The following ACYP2 variants were observed in gnomAD, a reference collection of about 807,000 sequenced individuals.
The protein encoded by ACYP2 is acylphosphatase-2.
A neutral mutation model predicts 11.2 loss-of-function variants in ACYP2; 12 were observed. The ratio of observed to expected loss-of-function variants is 1.08; its 90% confidence interval spans 0.69 to 1.74. The LOEUF (loss-of-function observed/expected upper bound fraction) is 1.74. Ranked by LOEUF, ACYP2 falls within the 40% of genes most tolerant of loss-of-function variation. ACYP2 has a pLI of 0.00. For missense variants in ACYP2, 134 were observed against 101.9 expected (o/e 1.31, Z -1.35); for synonymous variants, 43 against 32.2 (o/e 1.33, Z -1.13).
chr2:54,114,349 T>C (rs1558537432), intron 4 of ACYP2, among the ~76,000 whole-genome samples: 1 of 144,526 alleles, frequency 6.9e-6, no homozygotes, highest in Non-Finnish European at 1.5e-5. Context: ...TTCTAGGCAA[T>C]TGGGATGTTG....
At chr2:54,185,182 C>T (rs1683922648) in intron 6 of ACYP2, among the ~76,000 whole-genome samples, 3 of 152,200 alleles carry the variant, frequency 2.0e-5, no homozygotes, top group Admixed American at 2.0e-4. Context: ...TAAATCCTTT[C>T]CTTAGTCGTG....
intron 6 of ACYP2, among the ~76,000 whole-genome samples, chr2:54,277,388 T>A (rs560623959): frequency 6.6e-6 from 1 of 152,224 alleles, no homozygotes; most frequent in East Asian, 1.9e-4. Flanking sequence ...ATTAAGAAAT[T>A]AGTAAAATGG....
intron 4 of ACYP2, among the ~76,000 whole-genome samples, chr2:54,076,717 GGA>G (rs139405039): frequency 1.3e-5 from 2 of 151,884 alleles, no homozygotes; most frequent in African/African-American, 2.4e-5. Flanking sequence ...GATCAGGGAG[GGA>G]GAGAGAGAGA....
intron 6 of ACYP2, among the ~76,000 whole-genome samples, chr2:54,156,363 C>A (rs1202612482): frequency 6.6e-6 from 1 of 152,172 alleles, no homozygotes; most frequent in Non-Finnish European, 1.5e-5. Flanking sequence ...ATCAACCTAT[C>A]ACCTAGGTAT....
rs1448245598 is a variant in ACYP2, at chr2:54,000,711, T to A, written c.62+26901T>A. ...GATAACCCCAGCAGGGGCAAGGGAA[T>A]GTGATAAGATGTTCCCTGGCTCTGA... is the stretch of plus-strand genomic sequence containing the variant. On this transcript the variant is annotated intron_variant, in intron 2 of 6. Transcript: ENST00000607452. 3.3e-5 allele frequency among the ~76,000 whole-genome samples: 5 copies of A among 152,174 alleles called. 1 individual carries two copies. Among genetic ancestry groups the A allele is most frequent in the Admixed American group, 3.3e-4 (5 of 15,264 alleles).
chr2:54,047,201 G>A (rs910386386), intron 2 of ACYP2, among the ~76,000 whole-genome samples: 6 of 152,154 alleles, frequency 3.9e-5, no homozygotes, highest in Admixed American at 2.0e-4. Context: ...GGCAAGACAG[G>A]CCAAGATAAT....
intron 6 of ACYP2, among the ~76,000 whole-genome samples, chr2:54,231,190 G>A (rs1686219664): frequency 6.6e-6 from 1 of 152,116 alleles, no homozygotes; most frequent in Admixed American, 6.5e-5. Context: ...TAAAATACAT[G>A]ACAACAAGCT....
intron 2 of ACYP2, among the ~76,000 whole-genome samples, chr2:53,989,184 C>G (rs1339127229): frequency 6.6e-6 from 1 of 152,014 alleles, no homozygotes; most frequent in Non-Finnish European, 1.5e-5. Context: ...CATGTGCCTG[C>G]TGGCACCATC....
chr2:54,260,594 C>G (rs553625588), intron 6 of ACYP2, among the ~76,000 whole-genome samples: 1 of 152,186 alleles, frequency 6.6e-6, no homozygotes, highest in East Asian at 1.9e-4. Context: ...GTGGTCTGAT[C>G]AATGAATTGG....
Position 54,195,123 on chromosome 2 carries a change from G to A in ACYP2, c.404+56375G>A, listed in dbSNP as rs891893641. Among the ~76,000 whole-genome samples the A allele has an allele frequency of 5.3e-5, 8 of 152,148 alleles. No homozygotes were observed. In the East Asian group the frequency reaches 5.8e-4, roughly 11 times the overall value. ...GTTTTTGATCTTCACAGAACTTCATGTGCATCTGCCTACAGGGTGTTTCTC... is the reference window on the plus strand; with the variant it reads ...GTTTTTGATCTTCACAGAACTTCATATGCATCTGCCTACAGGGTGTTTCTC... On this transcript the variant is annotated intron_variant, in intron 6 of 6. Transcript: ENST00000607452.
chr2:54,266,027 AAGT>A (rs1309273533), intron 6 of ACYP2, among the ~76,000 whole-genome samples: 3 of 152,194 alleles, frequency 2.0e-5, no homozygotes, highest in Admixed American at 6.5e-5. Context: ...ATATTGCAAA[AAGT>A]AGAGTGTGAG....
intron 6 of ACYP2, among the ~76,000 whole-genome samples, chr2:54,293,261 C>T (rs1467259078): frequency 6.6e-6 from 1 of 152,116 alleles, no homozygotes; most frequent in African/African-American, 2.4e-5. Context: ...TCTGTTCCAC[C>T]AAATAAAACA....
intron 6 of ACYP2, among the ~76,000 whole-genome samples, chr2:54,187,607 A>G (rs754000433): frequency 6.6e-6 from 1 of 152,230 alleles, no homozygotes; most frequent in East Asian, 1.9e-4. Flanking sequence ...CCATGTGCCT[A>G]TGAAGTCTTG....
chr2:54,077,977 T>C (rs1474063833), intron 4 of ACYP2, among the ~76,000 whole-genome samples: 1 of 151,894 alleles, frequency 6.6e-6, no homozygotes, highest in Non-Finnish European at 1.5e-5. Context: ...TCTTTCTTTT[T>C]TTTTTTTTTC....
At chr2:54,108,365 T>A (rs959538322) in intron 4 of ACYP2, among the ~76,000 whole-genome samples, 4 of 152,156 alleles carry the variant, frequency 2.6e-5, no homozygotes, top group Non-Finnish European at 4.4e-5. Context: ...AAGGACATCA[T>A]GAAGTAGATG....
chr2:54,123,052 C>G, intron 4 of ACYP2: 2 of 262,230 alleles, frequency 7.6e-6, no homozygotes, highest in Non-Finnish European at 1.4e-5. Flanking sequence ...CTGTGGGTAA[C>G]TTGCTCCCAG....
chr2:54,267,015 G>A (rs1688061778), intron 6 of ACYP2, among the ~76,000 whole-genome samples: 1 of 152,034 alleles, frequency 6.6e-6, no homozygotes, highest in Admixed American at 6.6e-5. Flanking sequence ...AAACTCTACG[G>A]GGTACTCTCT....
chr2:54,179,743 C>A (rs949187387), intron 6 of ACYP2, among the ~76,000 whole-genome samples: 3 of 152,114 alleles, frequency 2.0e-5, no homozygotes, highest in African/African-American at 7.2e-5. Context: ...TTGACTGCAG[C>A]CTGTTTTATC....
At chr2:54,089,168 A>AT (rs1442600608) in intron 4 of ACYP2, among the ~76,000 whole-genome samples, 3 of 152,188 alleles carry the variant, frequency 2.0e-5, no homozygotes, top group African/African-American at 7.2e-5. Flanking sequence ...CTTATTTATA[A>AT]TTTTACTTCC....
Sources: allele counts gnomAD v4.1 joint callset (sites outside exome capture counted in the v4.1 genomes callset), GRCh38; gene constraint gnomAD v4.1.1; transcripts MANE v1.5; gene names NCBI Gene and HGNC (gene_info 2026-07-23, HGNC 2026-07-21).